The following ARHGEF11 variants were observed in gnomAD, a reference collection of about 807,000 sequenced individuals.
The protein encoded by ARHGEF11 is Rho guanine nucleotide exchange factor 11.
Under a neutral mutation model 193.7 loss-of-function variants are expected in ARHGEF11, and 55 were observed. The observed-to-expected ratio is 0.28, with a 90% CI of 0.23 to 0.36. The LOEUF is 0.36. ARHGEF11 is among the 10% of genes least tolerant of loss of function. The pLI is 1.00. For synonymous variants in ARHGEF11, 693 were observed against 768.0 expected, an observed-to-expected ratio of 0.90 and a Z score of 1.62; for missense variants, 1,723 against 2,005.6, an observed-to-expected ratio of 0.86 and a Z score of 2.69.
intron 1 of ARHGEF11, among the ~76,000 whole-genome samples, chr1:157,034,316 C>T (rs1309376905): frequency 5.3e-5 from 8 of 152,218 alleles, no homozygotes; most frequent in Non-Finnish European, 5.9e-5. Context: ...TGAATGGGGC[C>T]AGCCTGGGGC....
intron 1 of ARHGEF11, among the ~76,000 whole-genome samples, chr1:157,025,110 C>A (rs569343529): frequency 6.6e-6 from 1 of 152,150 alleles, no homozygotes; most frequent in Admixed American, 6.6e-5. Flanking sequence ...CAATTAATTG[C>A]CAAATAAGAC....
chr1:157,018,076 T>A (rs1669495865), intron 1 of ARHGEF11, among the ~76,000 whole-genome samples: 1 of 152,136 alleles, frequency 6.6e-6, no homozygotes, highest in African/African-American at 2.4e-5. Flanking sequence ...GATAATTAAA[T>A]ACTACCAGTT....
At chr1:156,997,574 T>C (rs1007631021) in intron 1 of ARHGEF11, among the ~76,000 whole-genome samples, 1 of 152,052 alleles carries the variant, frequency 6.6e-6, no homozygotes, top group Non-Finnish European at 1.5e-5. Flanking sequence ...AAAGCACAGG[T>C]GAGGGACAGA....
At chr1:157,010,369 C>CAA (rs55816506) in intron 1 of ARHGEF11, among the ~76,000 whole-genome samples, 3 of 151,946 alleles carry the variant, frequency 2.0e-5, no homozygotes, top group African/African-American at 4.8e-5. Flanking sequence ...GGAGCCCACA[C>CAA]AAAAAAATTA....
chr1:156,962,459 T>A (rs1315728246), intron 13 of ARHGEF11, among the ~76,000 whole-genome samples: 1 of 152,150 alleles, frequency 6.6e-6, no homozygotes, highest in Non-Finnish European at 1.5e-5. Context: ...TTGGTCTCCA[T>A]CCCTTCACAT....
At chr1:157,041,035 A>G (rs1483089479) in intron 1 of ARHGEF11, among the ~76,000 whole-genome samples, 1 of 152,212 alleles carries the variant, frequency 6.6e-6, no homozygotes, top group Non-Finnish European at 1.5e-5. Flanking sequence ...CTCAAACCAC[A>G]AACTCTTGGC....
At chr1:156,984,564 C>T in intron 2 of ARHGEF11, 127 bp from the exon 3 acceptor site, 1 of 642,096 alleles carries the variant, frequency 1.6e-6, no homozygotes, top group East Asian at 2.8e-5. Context: ...TAAACAAATT[C>T]CCTAGACTAT....
chr1:157,031,654 G>A (rs1219727946), intron 1 of ARHGEF11, among the ~76,000 whole-genome samples: 1 of 152,174 alleles, frequency 6.6e-6, no homozygotes, highest in Non-Finnish European at 1.5e-5. Context: ...TCGAAGGTCA[G>A]GGGGCTCTCA....
intron 1 of ARHGEF11, among the ~76,000 whole-genome samples, chr1:156,990,097 T>A (rs755648137): frequency 4.0e-5 from 6 of 149,846 alleles, no homozygotes; most frequent in Admixed American, 4.0e-4. Context: ...CAGGAGCCAA[T>A]CAAAGATCTC....
rs5778015 is a variant in ARHGEF11 at position 156,944,448 on chromosome 1, C to CCATTCATTCATT, written c.2992-27_2992-16dup. On this transcript the variant is annotated splice_polypyrimidine_tract_variant and intron_variant, in intron 30 of 40. Transcript: ENST00000368194. The stretch of plus-strand genomic sequence containing the variant: ...AGATCCAGGCTCTGTTAAGGAGACA[C>CCATTCATTCATT]CATTCATTCATTCATTCATTCATTC... 238 of 1,504,558 alleles carry CCATTCATTCATT rather than the reference C, an allele frequency of 1.6e-4. No individual in the cohort carries two copies. The highest frequency in any genetic ancestry group is 3.4e-4 in the Admixed American group (20 of 58,772). The allele number at this position is 1,504,558 out of a possible 1,614,324, so 93.2% of individuals were successfully genotyped here. A position where few individuals can be genotyped will look rare whatever the true frequency, so the allele number is the denominator to read the frequency against.
chr1:156,987,510 C>T (rs1002118984), intron 1 of ARHGEF11, among the ~76,000 whole-genome samples: 6 of 152,078 alleles, frequency 3.9e-5, no homozygotes, highest in Non-Finnish European at 7.4e-5. Flanking sequence ...TCTAAAATAT[C>T]TCTGGAAGAA....
intron 1 of ARHGEF11, among the ~76,000 whole-genome samples, chr1:157,026,797 A>G (rs1405991785): frequency 6.6e-6 from 1 of 152,234 alleles, no homozygotes; most frequent in East Asian, 1.9e-4. Flanking sequence ...AAAGTGCTGA[A>G]CAAATGCTAA....
chr1:156,988,170 T>C (rs1159858900), intron 1 of ARHGEF11, among the ~76,000 whole-genome samples: 1 of 152,018 alleles, frequency 6.6e-6, no homozygotes, highest in Non-Finnish European at 1.5e-5. Flanking sequence ...AATACCCAAC[T>C]GAAAATGCGC....
At chr1:156,976,515 T>C (rs1663281186) in intron 7 of ARHGEF11, among the ~76,000 whole-genome samples, 2 of 152,220 alleles carry the variant, frequency 1.3e-5, no homozygotes, top group Non-Finnish European at 1.5e-5. Flanking sequence ...GGCACTTACA[T>C]GGATGGCTAT....
In ARHGEF11 at chr1:156,943,988, G is replaced by A. The variant is rs1657610039; in HGVS notation, c.3182C>T (p.Thr1061Ile). The change falls in exon 32 of 41, where the codon ACC becomes ATC. Residue 1061 changes from threonine (T) to isoleucine (I), a missense_variant. Physicochemically the swap from Thr to Ile is moderately conservative, Grantham distance 89. Transcript: ENST00000368194. Reference protein sequence around the residue: ...TAVGSSDSKQTFSPVLKLNAV... With the variant: ...TAVGSSDSKQIFSPVLKLNAV... ...ATTGAGCTTGAGCACGGGGCTGAAG[G>A]TCTGCTTGCTGTCTGAGGAGCCCAC... is the stretch of plus-strand genomic sequence containing the variant. 1 of 1,614,062 alleles carries A rather than the reference G, an allele frequency of 6.2e-7. No individual in the cohort carries two copies. Among genetic ancestry groups the A allele is most frequent in the African/African-American group, 1.3e-5 (1 of 74,908 alleles).
intron 1 of ARHGEF11, among the ~76,000 whole-genome samples, chr1:157,011,598 T>C (rs1668550451): frequency 6.6e-6 from 1 of 152,144 alleles, no homozygotes; most frequent in African/African-American, 2.4e-5. Flanking sequence ...GATAAGGGAC[T>C]TGTAACCAGA....
chr1:157,030,502 T>A (rs982328258), intron 1 of ARHGEF11, among the ~76,000 whole-genome samples: 1 of 152,138 alleles, frequency 6.6e-6, no homozygotes, highest in African/African-American at 2.4e-5. Context: ...ACAGAAAAAC[T>A]TGGGGGACTT....
intron 1 of ARHGEF11, among the ~76,000 whole-genome samples, chr1:157,038,029 C>CAAAA (rs145416871): frequency 1.3e-4 from 6 of 45,504 alleles, no homozygotes; most frequent in African/African-American, 2.7e-4. Flanking sequence ...AAGACTGTCT[C>CAAAA]AAAAAAAAAA....
chr1:156,957,833 AC>A lies in ARHGEF11; in HGVS notation c.1503-19del. ...ACTTGGACCTGGAATGGAAGAAAGA[AC>A]AGATGACTCAGACTGCAAAGACAGA... is the stretch of plus-strand genomic sequence containing the variant. On this transcript the variant is annotated intron_variant, in intron 17 of 40. Transcript: ENST00000368194. 1 of 1,614,012 alleles carries A rather than the reference AC, an allele frequency of 6.2e-7. No homozygotes were observed. Among genetic ancestry groups the A allele is most frequent in the Non-Finnish European group, 8.5e-7 (1 of 1,179,888 alleles).
Sources: gnomAD v4.1 joint callset for allele counts (sites outside exome capture counted in the v4.1 genomes callset) on GRCh38, gnomAD v4.1.1 for gene constraint, MANE v1.5 for transcripts, NCBI Gene and HGNC (gene_info 2026-07-23, HGNC 2026-07-21) for gene names.